SPI1: variants seen among roughly 807,000 people sequenced by gnomAD.
SPI1 encodes the protein Spi-1 proto-oncogene.
Under a neutral mutation model 30.7 loss-of-function variants are expected in SPI1, and 3 were observed. The observed-to-expected ratio is 0.10, with a 90% CI of 0.04 to 0.25. The LOEUF is 0.25. Ranked by LOEUF, SPI1 falls within the 10% of genes least tolerant of loss-of-function variation. The pLI, the probability that SPI1 is intolerant of heterozygous loss-of-function variation, is 1.00. For synonymous variants in SPI1, 169 were observed against 157.1 expected, an observed-to-expected ratio of 1.08 and a Z score of -0.56; for missense variants, 261 against 371.5, an observed-to-expected ratio of 0.70 and a Z score of 2.45.
chr11:47,363,911 C>T (rs1024902697), intron 2 of SPI1, among the ~76,000 whole-genome samples: 19 of 135,642 alleles, frequency 1.4e-4, no homozygotes, highest in Middle Eastern at 4.2e-3. Flanking sequence ...TGTGGTGAGC[C>T]GAGATCATGC....
chr11:47,359,043 G>A lies in SPI1; in HGVS notation c.331-37C>T, dbSNP rs757265558. 16 of 1,508,642 alleles carry A rather than the reference G, an allele frequency of 1.1e-5. No homozygotes were observed. In the East Asian group the frequency reaches 3.2e-4, roughly 30 times the overall value. The allele number at this position is 1,508,642 out of a possible 1,614,324, so 93.5% of individuals were successfully genotyped here. A position where few individuals can be genotyped will look rare whatever the true frequency, so the allele number is the denominator to read the frequency against. ...GGGAAGGAGATCAGAGTCAGGAAGG[G>A]CCAGCTTACAGCTCAGGGGGGCTGG... On this transcript the variant is annotated intron_variant, in intron 3 of 4. Transcript: ENST00000378538. The surrounding 1 kb of genome is among the most constrained non-coding windows in gnomAD (Gnocchi z 5.1).
At position 47,374,716 on chromosome 11, in the gene SPI1, A is replaced by G. The variant is rs558168232; in HGVS notation, c.142+917T>C. Among the ~76,000 whole-genome samples, 1 of 152,346 alleles carries G rather than the reference A, an allele frequency of 6.6e-6. No individual in the cohort carries two copies. The highest frequency in any genetic ancestry group is 2.4e-5 in the African/African-American group (1 of 41,582). On this transcript the variant is annotated intron_variant, in intron 2 of 4. Transcript: ENST00000378538. The surrounding 1 kb of genome is among the most constrained non-coding windows in gnomAD (Gnocchi z 4.5). ...GCTTTGGGTCAGGGATGTCTACATC[A>G]ATAAGCCAAGATCCACTTTGGGCAA...
intron 2 of SPI1, among the ~76,000 whole-genome samples, chr11:47,363,933 C>T (rs530276574): frequency 8.4e-5 from 12 of 142,812 alleles, no homozygotes; most frequent in African/African-American, 2.6e-4. Context: ...ACTGCATTCC[C>T]GCCTGGGCAA....
In SPI1 at chr11:47,374,430, G is replaced by A. The variant is rs1051713568; in HGVS notation, c.142+1203C>T. 1.2e-4 allele frequency among the ~76,000 whole-genome samples: 18 copies of A among 152,176 alleles called. No homozygotes were observed. The highest frequency in any genetic ancestry group is 3.6e-4 in the African/African-American group (15 of 41,436). ...GGATATGGCTTCCAGTCTGAGTTCCGGATGAATCTGGGGCCCTAAATGTGG... is the reference window on the plus strand; with the variant it reads ...GGATATGGCTTCCAGTCTGAGTTCCAGATGAATCTGGGGCCCTAAATGTGG... On this transcript the variant is annotated intron_variant, in intron 2 of 4. Transcript: ENST00000378538. The surrounding 1 kb of genome is among the most constrained non-coding windows in gnomAD (Gnocchi z 4.5).
At chr11:47,365,181 C>T (rs777892254) in intron 2 of SPI1, among the ~76,000 whole-genome samples, 2 of 152,126 alleles carry the variant, frequency 1.3e-5, no homozygotes, top group Non-Finnish European at 2.9e-5. Flanking sequence ...GAACAAATTG[C>T]TTTATTTCTT....
At chr11:47,355,994 C>T (rs1263630698) in intron 4 of SPI1, among the ~76,000 whole-genome samples, 1 of 150,746 alleles carries the variant, frequency 6.6e-6, no homozygotes, top group Non-Finnish European at 1.5e-5. Context: ...CACGCTCACA[C>T]GTACAATGTA....
intron 2 of SPI1, among the ~76,000 whole-genome samples, chr11:47,369,574 A>G (rs1230200845): frequency 6.8e-6 from 1 of 146,492 alleles, no homozygotes; most frequent in African/African-American, 2.5e-5. Flanking sequence ...AAAAAAAAAC[A>G]ACAAATGAAA....
At chr11:47,356,558 G>A (rs904591309) in intron 4 of SPI1, among the ~76,000 whole-genome samples, 2 of 149,742 alleles carry the variant, frequency 1.3e-5, no homozygotes, top group Non-Finnish European at 3.0e-5. Flanking sequence ...ACACACTCAT[G>A]TTCACACACC....
intron 4 of SPI1, chr11:47,358,471 C>T: frequency 1.5e-6 from 1 of 646,540 alleles, no homozygotes; most frequent in South Asian, 1.7e-5. Flanking sequence ...CACTCTCAGC[C>T]ACACCAGCTC....
chr11:47,367,600 T>G (rs2095930168), intron 2 of SPI1, among the ~76,000 whole-genome samples: 1 of 144,768 alleles, frequency 6.9e-6, no homozygotes, highest in Non-Finnish European at 1.5e-5. Flanking sequence ...CCCAGCACAC[T>G]CATTAGGATA....
intron 2 of SPI1, among the ~76,000 whole-genome samples, chr11:47,371,863 C>T (rs1227182644): frequency 6.6e-6 from 1 of 152,198 alleles, no homozygotes; most frequent in Non-Finnish European, 1.5e-5. Flanking sequence ...GCTTCCCTTT[C>T]TGTCCCCTGC....
intron 1 of SPI1, among the ~76,000 whole-genome samples, chr11:47,376,513 TC>T (rs2095942511): frequency 6.6e-6 from 1 of 151,906 alleles, no homozygotes. Context: ...CCCCTCACTC[TC>T]CCTCCTGAGT....
rs1462790936 is a variant in SPI1, at chr11:47,375,006, G to T, written c.142+627C>A. ...GTGATTTTGCCTCCCGGGGGGATCTGCCAATGGGTGGAGACATTTTTGGTT... is the reference window on the plus strand; with the variant it reads ...GTGATTTTGCCTCCCGGGGGGATCTTCCAATGGGTGGAGACATTTTTGGTT... On this transcript the variant is annotated intron_variant, in intron 2 of 4. Coordinates refer to ENST00000378538, the MANE Select transcript of SPI1 (RefSeq NM_003120.3). This position sits in a 1 kb window ranked among gnomAD's most constrained non-coding sequence, Gnocchi z 4.2. Among the ~76,000 whole-genome samples the T allele has an allele frequency of 1.3e-5, 2 of 152,248 alleles. No individual in the cohort carries two copies. Among genetic ancestry groups the T allele is most frequent in the African/African-American group, 2.4e-5 (1 of 41,478 alleles).
intron 2 of SPI1, among the ~76,000 whole-genome samples, chr11:47,362,269 TTATTC>T (rs2095921895): frequency 1.3e-5 from 2 of 152,100 alleles, no homozygotes; most frequent in Admixed American, 1.3e-4. Context: ...TAATAATAGT[TTATTC>T]TAAAGAGCCT....
chr11:47,356,642 C>T (rs1344002767), intron 4 of SPI1, among the ~76,000 whole-genome samples: 2 of 151,814 alleles, frequency 1.3e-5, no homozygotes, highest in Non-Finnish European at 1.5e-5. Flanking sequence ...CACAAACACA[C>T]CTGCTTACAC....
Position 47,359,840 on chromosome 11 carries a change from C to G in SPI1, c.330+13G>C. 6.2e-7 allele frequency: 1 copy of G among 1,601,460 alleles called. No individual in the cohort carries two copies. The highest frequency in any genetic ancestry group is 8.5e-7 in the Non-Finnish European group (1 of 1,179,342). Reference sequence around the variant, plus strand: ...GCAGTCTCCTGGGGGACGGGGCAGGCGGTGGCATGCACCTGGTGGCCAAGA... The same window carrying G: ...GCAGTCTCCTGGGGGACGGGGCAGGGGGTGGCATGCACCTGGTGGCCAAGA... On this transcript the variant is annotated intron_variant, in intron 3 of 4. Coordinates refer to ENST00000378538, the MANE Select transcript of SPI1 (RefSeq NM_003120.3). This position sits in a 1 kb window ranked among gnomAD's most constrained non-coding sequence, Gnocchi z 5.1.
At chr11:47,372,102 ATTCT>A (rs1180842156) in intron 2 of SPI1, among the ~76,000 whole-genome samples, 1 of 148,386 alleles carries the variant, frequency 6.7e-6, no homozygotes, top group Non-Finnish European at 1.5e-5. Flanking sequence ...TCTTTGTCTG[ATTCT>A]TTTTTTTTTT....
rs1462599999 is a variant in SPI1 at position 47,356,594 on chromosome 11, CATA to C, written c.494-1051_494-1049del. On this transcript the variant is annotated intron_variant, in intron 4 of 4. Coordinates refer to ENST00000378538, the MANE Select transcript of SPI1 (RefSeq NM_003120.3). Reference sequence around the variant, plus strand: ...TGCTCATACACCTCACACCAGGTCTCATAATCACACCTGCTTATACTTGCTTAC... The same window carrying C: ...TGCTCATACACCTCACACCAGGTCTCATCACACCTGCTTATACTTGCTTAC... 2.6e-5 allele frequency among the ~76,000 whole-genome samples: 4 copies of C among 151,336 alleles called. 1 individual carries two copies. The highest frequency in any genetic ancestry group is 4.4e-5 in the Non-Finnish European group (3 of 67,854).
intron 2 of SPI1, among the ~76,000 whole-genome samples, chr11:47,369,560 G>GAAAAAAAAAAAAAA (rs3048195): frequency 7.3e-6 from 1 of 137,562 alleles, no homozygotes; most frequent in Admixed American, 7.3e-5. Context: ...GAGAGAGAGA[G>GAAAAAAAAAAAAAA]AAAAAAAAAA....
Sources: allele counts gnomAD v4.1 joint callset (sites outside exome capture counted in the v4.1 genomes callset), GRCh38; gene constraint gnomAD v4.1.1; non-coding constraint Gnocchi (gnomAD v3.1); transcripts MANE v1.5; gene names NCBI Gene and HGNC (gene_info 2026-07-23, HGNC 2026-07-21).